Variants in ROBO2 observed in about 807,000 individuals in gnomAD.
ROBO2 encodes the protein roundabout guidance receptor 2.
A neutral mutation model predicts 160.8 loss-of-function variants in ROBO2; 53 were observed. The observed-to-expected ratio is 0.33, with a 90% CI of 0.26 to 0.41. The LOEUF is 0.41. Among genes scored for constraint, ROBO2 ranks in the 10% least tolerant of loss-of-function variants. The pLI is 1.00. For synonymous variants in ROBO2, 664 were observed against 611.7 expected, an observed-to-expected ratio of 1.09 and a Z score of -1.26; for missense variants, 1,577 against 1,722.4, an observed-to-expected ratio of 0.92 and a Z score of 1.49.
exon 14 of ROBO2, chr3:77,574,639 G>A: frequency 1.2e-6 from 2 of 1,613,314 alleles, no homozygotes; most frequent in Non-Finnish European, 1.7e-6. Context: ...ACCTGAAAAA[G>A]GGGGTGACTT....
At chr3:76,269,227 C>G (rs1707279111) in intron 2 of ROBO2, among the ~76,000 whole-genome samples, 1 of 152,028 alleles carries the variant, frequency 6.6e-6, no homozygotes, top group South Asian at 2.1e-4. Flanking sequence ...CCCATTTACT[C>G]TAATGTGGTT....
At chr3:76,276,246 A>G (rs1030508499) in intron 2 of ROBO2, among the ~76,000 whole-genome samples, 7 of 152,064 alleles carry the variant, frequency 4.6e-5, no homozygotes, top group African/African-American at 1.4e-4. Context: ...GTGAAATTCA[A>G]TACTGCTAGC....
intron 6 of ROBO2, among the ~76,000 whole-genome samples, chr3:77,530,512 T>C (rs2091610219): frequency 1.3e-5 from 2 of 151,962 alleles, no homozygotes; most frequent in South Asian, 4.1e-4. Flanking sequence ...GTATTCAGAG[T>C]TTTCCTCTAG....
At chr3:77,136,438 T>C (rs1471715368) in intron 2 of ROBO2, among the ~76,000 whole-genome samples, 1 of 150,868 alleles carries the variant, frequency 6.6e-6, no homozygotes, top group African/African-American at 2.4e-5. Flanking sequence ...TGTTAATTCA[T>C]ATCTTTTCCT....
intron 2 of ROBO2, among the ~76,000 whole-genome samples, chr3:76,721,021 G>T (rs1415845271): frequency 1.3e-5 from 2 of 152,114 alleles, no homozygotes; most frequent in East Asian, 3.9e-4. Context: ...TCAAAATCTG[G>T]CATAAATTCT....
At chr3:76,747,067 G>A (rs546669423) in intron 2 of ROBO2, among the ~76,000 whole-genome samples, 3 of 152,148 alleles carry the variant, frequency 2.0e-5, no homozygotes, top group South Asian at 4.1e-4. Context: ...GGGCATTTGG[G>A]TTGATTCCAT....
At chr3:76,463,014 C>CA (rs150869747) in intron 2 of ROBO2, among the ~76,000 whole-genome samples, 7,931 of 152,118 alleles carry the variant, frequency 0.052, 673 homozygotes, top group African/African-American at 0.18. Context: ...TCACTTTGCC[C>CA]ATCACCGCAT....
intron 2 of ROBO2, among the ~76,000 whole-genome samples, chr3:76,453,561 G>A (rs1338614166): frequency 2.0e-5 from 3 of 152,264 alleles, no homozygotes; most frequent in South Asian, 2.1e-4. Context: ...CCAGTACCAT[G>A]CTGTTTTGGT....
chr3:76,118,296 T>G (rs2070564938), intron 2 of ROBO2, among the ~76,000 whole-genome samples: 1 of 152,212 alleles, frequency 6.6e-6, no homozygotes, highest in Admixed American at 6.6e-5. Flanking sequence ...AATGAAATAC[T>G]ACTTGGAGCA....
intron 2 of ROBO2, among the ~76,000 whole-genome samples, chr3:76,415,303 G>A (rs1254426154): frequency 6.6e-6 from 1 of 152,142 alleles, no homozygotes; most frequent in African/African-American, 2.4e-5. Flanking sequence ...TAAATGAAGG[G>A]TAACAGAAAT....
At chr3:76,167,619 A>C (rs2072885602) in intron 2 of ROBO2, among the ~76,000 whole-genome samples, 1 of 152,186 alleles carries the variant, frequency 6.6e-6, no homozygotes, top group Non-Finnish European at 1.5e-5. Flanking sequence ...AATCCCTCAA[A>C]GACAGGAACT....
At chr3:77,341,284 G>A (rs1476504565) in intron 2 of ROBO2, among the ~76,000 whole-genome samples, 1 of 152,090 alleles carries the variant, frequency 6.6e-6, no homozygotes, top group African/African-American at 2.4e-5. Context: ...GAGCAGAGGT[G>A]AAATCATTAT....
At chr3:76,813,358 T>C (rs1234788589) in intron 2 of ROBO2, among the ~76,000 whole-genome samples, 1 of 152,244 alleles carries the variant, frequency 6.6e-6, no homozygotes, top group African/African-American at 2.4e-5. Context: ...AAGTTTTGGA[T>C]TGATTCCTTT....
intron 2 of ROBO2, among the ~76,000 whole-genome samples, chr3:76,077,420 G>A (rs559608825): frequency 3.5e-4 from 53 of 152,084 alleles, no homozygotes; most frequent in African/African-American, 1.0e-3. Context: ...AAAATTAGCC[G>A]TGTGTGGTGG....
At position 77,282,664 on chromosome 3, in the gene ROBO2, G is replaced by A. The variant is rs193031314; in HGVS notation, c.388+184324G>A. Among the ~76,000 whole-genome samples, 164 of 152,100 alleles carry A rather than the reference G, an allele frequency of 1.1e-3. 2 individuals are homozygous for A. In the East Asian group the frequency reaches 0.025, roughly 23 times the overall value. ...TTTACTGTAAAATGAATGAATTATTGATGTACTTAGCAAAACATTATATCT... is the reference window on the plus strand; with the variant it reads ...TTTACTGTAAAATGAATGAATTATTAATGTACTTAGCAAAACATTATATCT... On this transcript the variant is annotated intron_variant, in intron 2 of 25. Coordinates refer to ENST00000461745, the Ensembl canonical transcript of ROBO2.
chr3:76,770,218 A>T (rs2061805745), intron 2 of ROBO2, among the ~76,000 whole-genome samples: 1 of 151,394 alleles, frequency 6.6e-6, no homozygotes, highest in African/African-American at 2.4e-5. Context: ...TTAAGTAGAT[A>T]TAAAATTTGA....
chr3:76,929,393 T>C (rs2077193399), intron 2 of ROBO2, among the ~76,000 whole-genome samples: 2 of 152,154 alleles, frequency 1.3e-5, no homozygotes, highest in Admixed American at 6.5e-5. Context: ...CTACTCCTCT[T>C]TCTCTTATGC....
intron 2 of ROBO2, among the ~76,000 whole-genome samples, chr3:76,223,438 G>A (rs961986164): frequency 6.6e-6 from 1 of 151,832 alleles, no homozygotes; most frequent in Non-Finnish European, 1.5e-5. Flanking sequence ...ACTTTTCTTG[G>A]GGTTGGAGAA....
chr3:77,168,019 C>G (rs148142018), intron 2 of ROBO2, among the ~76,000 whole-genome samples: 3 of 152,180 alleles, frequency 2.0e-5, no homozygotes, highest in Non-Finnish European at 4.4e-5. Context: ...AAATAATGAA[C>G]TTAATGCATA....
Sources: gnomAD v4.1 joint callset for allele counts (sites outside exome capture counted in the v4.1 genomes callset) on GRCh38, gnomAD v4.1.1 for gene constraint, MANE v1.5 for transcripts, NCBI Gene and HGNC (gene_info 2026-07-23, HGNC 2026-07-21) for gene names.